The following DACT2 variants were observed in gnomAD, a reference collection of about 807,000 sequenced individuals.
The protein encoded by DACT2 is dishevelled binding antagonist of beta catenin 2, also known as dapper homolog 2.
A neutral mutation model predicts 22.2 loss-of-function variants in DACT2; 20 were observed. The ratio of observed to expected loss-of-function variants is 0.90; its 90% CI spans 0.63 to 1.31. The LOEUF (loss-of-function observed/expected upper bound fraction) is 1.31. DACT2 is among the 50% of genes most tolerant of loss of function. The pLI is 0.00. For synonymous variants in DACT2, 463 were observed against 479.8 expected (o/e 0.96, Z 0.46); for missense variants, 1,048 against 1,061.4 (o/e 0.99, Z 0.18).
downstream of DACT2, among the ~76,000 whole-genome samples, chr6:168,304,884 G>A (rs1779173733): frequency 6.6e-6 from 1 of 152,186 alleles, no homozygotes; most frequent in African/African-American, 2.4e-5. Context: ...GGTAGACGGG[G>A]CAGGAGGGCT....
At chr6:168,309,602 C>A (rs1468493236) in intron 3 of DACT2, among the ~76,000 whole-genome samples, 2 of 152,212 alleles carry the variant, frequency 1.3e-5, no homozygotes, top group Non-Finnish European at 2.9e-5. Flanking sequence ...AGAGGCCCCG[C>A]AGCAGTGGGA....
Position 168,308,765 on chromosome 6 carries a change from C to T in DACT2, c.992G>A (p.Arg331Lys). 6.4e-7 allele frequency: 1 copy of T among 1,551,368 alleles called. No homozygotes were observed. Among genetic ancestry groups the T allele is most frequent in the Non-Finnish European group, 8.7e-7 (1 of 1,147,000 alleles). Residue 331 changes from arginine to lysine, a missense_variant, in exon 4 of 4, where the codon AGA becomes AAA. Arg to Lys is a conservative substitution (Grantham distance 26, BLOSUM62 2). Transcript: ENST00000366795. ...PVLEAGPARA[R>K]AYIDRLLHLW... ...ATGCAGCAACCTGTCGATATAAGCT[C>T]TGGCCCTGGCCGGGCCAGCCTCGAG...
At chr6:168,293,992 G>A (rs141936178) in intron 5 of DACT2, 27 of 703,248 alleles carry the variant, frequency 3.8e-5, no homozygotes, top group Non-Finnish European at 6.2e-5. Flanking sequence ...AGTAGAGGAG[G>A]TCCATCCAAC....
chr6:168,314,897 C>T (rs1340062744), intron 1 of DACT2, among the ~76,000 whole-genome samples: 1 of 152,188 alleles, frequency 6.6e-6, no homozygotes, highest in Admixed American at 6.5e-5. Context: ...GGTCCACAGA[C>T]TGGACTTGTG....
In DACT2 at chr6:168,307,154, G is replaced by A; in HGVS notation, c.*278C>T. 7.9e-7 allele frequency: 1 copy of A among 1,263,820 alleles called. No homozygotes were observed. The highest frequency in any genetic ancestry group is 1.0e-6 in the Non-Finnish European group (1 of 1,002,926). 78.3% of individuals were successfully genotyped at this position (1,263,820 alleles called of 1,614,324 possible). On this transcript the variant is annotated 3_prime_UTR_variant, in exon 4 of 4. Transcript: ENST00000366795. This position sits in a 1 kb window ranked among gnomAD's most constrained non-coding sequence, Gnocchi z 5.3. The stretch of plus-strand genomic sequence containing the variant: ...AACATGGAAACAAGGTGCATGCCGG[G>A]AAGCAGCATCCTGGGCAGACCTTGA...
At chr6:168,315,552 A>G (rs981955469) in intron 1 of DACT2, among the ~76,000 whole-genome samples, 3 of 152,194 alleles carry the variant, frequency 2.0e-5, no homozygotes, top group African/African-American at 4.8e-5. Context: ...CTTTTGTTGC[A>G]GCAATACAAG....
rs1343607688 is a variant in DACT2, at chr6:168,308,782, A to G, written c.975T>C (p.Ala325=). 4 of 1,551,298 alleles carry G rather than the reference A, an allele frequency of 2.6e-6. No homozygotes were observed. Among genetic ancestry groups the G allele is most frequent in the Non-Finnish European group, 3.5e-6 (4 of 1,147,008 alleles). The change falls in exon 4 of 4, where the codon GCT becomes GCC. Residue 325 remains alanine (A), a synonymous_variant. Coordinates refer to ENST00000366795, the MANE Select transcript of DACT2 (RefSeq NM_214462.5). ...TATAAGCTCTGGCCCTGGCCGGGCC[A>G]GCCTCGAGGACCGGCCCAGTCTGGA... The part of the protein sequence containing the change: ...NTIQTGPVLE[A]GPARARAYID...
intron 4 of DACT2, chr6:168,294,621 A>T: frequency 7.4e-7 from 1 of 1,356,426 alleles, no homozygotes; most frequent in East Asian, 2.9e-5. Context: ...AAAGAAGAAC[A>T]TCCTTCCCTA....
At chr6:168,301,881 A>T (rs1053573297) in intron 3 of DACT2, among the ~76,000 whole-genome samples, 1 of 152,180 alleles carries the variant, frequency 6.6e-6, no homozygotes, top group Non-Finnish European at 1.5e-5. Flanking sequence ...GAGCTATGGG[A>T]TGACCCACAA....
At chr6:168,311,039 A>AC in intron 2 of DACT2, 113 bp downstream of exon 2, 1 of 1,354,036 alleles carries the variant, frequency 7.4e-7, no homozygotes, top group Non-Finnish European at 9.6e-7. Flanking sequence ...CTGCACGGAC[A>AC]CTAGGATACC....
chr6:168,298,981 A>G (rs888691254), intron 3 of DACT2: 1 of 152,192 alleles, frequency 6.6e-6, no homozygotes, highest in Non-Finnish European at 1.5e-5. Context: ...TATTAATCAT[A>G]TATACTCGTT....
chr6:168,298,324 C>T (rs1479686264), intron 3 of DACT2: 2 of 152,150 alleles, frequency 1.3e-5, no homozygotes, highest in African/African-American at 4.8e-5. Context: ...TAACTTGCCC[C>T]AGATCCATTT....
At position 168,308,135 on chromosome 6, in the gene DACT2, G is replaced by A. The variant is rs1779273952; in HGVS notation, c.1622C>T (p.Thr541Ile). 4 of 1,549,344 alleles carry A rather than the reference G, an allele frequency of 2.6e-6. No individual in the cohort carries two copies. The highest frequency in any genetic ancestry group is 2.6e-6 in the Non-Finnish European group (3 of 1,145,976). Residue 541 changes from threonine to isoleucine, a missense_variant, in exon 4 of 4, where the codon ACA (threonine) becomes ATA (isoleucine). Thr to Ile is a moderately conservative substitution (Grantham distance 89, BLOSUM62 -1). Transcript: ENST00000366795. ...CCTCCGCTGGAGCCCGCCCCTCCCT[G>A]TGGGCCAGTGGGCAGGGTCCCACTC... ...SLEWDPAHWP[T>I]GRGGLQRRPA... is the part of the protein sequence containing the mutation.
At chr6:168,292,859 TAAG>T (rs1778938244) in exon 6 of DACT2, 1 of 152,148 alleles carries the variant, frequency 6.6e-6, no homozygotes, top group Non-Finnish European at 1.5e-5. Context: ...TATTGAAATA[TAAG>T]AAGAAGAAAA....
At chr6:168,295,493 C>T (rs1245994490) in intron 3 of DACT2, among the ~76,000 whole-genome samples, 1 of 152,042 alleles carries the variant, frequency 6.6e-6, no homozygotes. Flanking sequence ...GTACATGCAC[C>T]TAACTTAAAA....
At chr6:168,294,210 GAAGGCAATGCCATCCTGAGA>G in intron 4 of DACT2, 1 of 703,002 alleles carries the variant, frequency 1.4e-6, no homozygotes, top group Non-Finnish European at 2.6e-6. Flanking sequence ...AACACAGAGA[GAAGGCAATGCCATCCTGAGA>G]AACATGAGTG....
At chr6:168,301,385 C>A (rs2114896597) in intron 3 of DACT2, among the ~76,000 whole-genome samples, 1 of 152,360 alleles carries the variant, frequency 6.6e-6, no homozygotes, top group East Asian at 1.9e-4. Context: ...TATCTAAAAG[C>A]AGAACTCTGA....
At position 168,307,440 on chromosome 6, in the gene DACT2, T is replaced by G; in HGVS notation, c.2317A>C (p.Met773Leu). 6.4e-7 allele frequency: 1 copy of G among 1,551,648 alleles called. No homozygotes were observed. ...FQPTALKVMT[M>L]V is the part of the protein sequence containing the mutation. ...GACGCAGTCACTGCACCTCACACCA[T>G]GGTCATGACCTTCAGGGCCGTCGGC... is the stretch of plus-strand genomic sequence containing the variant. The change falls in exon 4 of 4, where the codon ATG becomes CTG. Residue 773 changes from methionine to leucine, a missense_variant. Transcript: ENST00000366795. This position sits in a 1 kb window ranked among gnomAD's most constrained non-coding sequence, Gnocchi z 5.3.
At chr6:168,314,212 AGCGAGCCCTGGATGGCCGT>A (rs2114917659) in intron 1 of DACT2, among the ~76,000 whole-genome samples, 1 of 152,340 alleles carries the variant, frequency 6.6e-6, no homozygotes, top group Admixed American at 6.5e-5. Context: ...CACAGCAGCA[AGCGAGCCCTGGATGGCCGT>A]GCTCCACTTC....
Sources: allele counts gnomAD v4.1 joint callset (sites outside exome capture counted in the v4.1 genomes callset), GRCh38; gene constraint gnomAD v4.1.1; non-coding constraint Gnocchi (gnomAD v3.1); transcripts MANE v1.5; gene names NCBI Gene and HGNC (gene_info 2026-07-23, HGNC 2026-07-21).